Variants in OR9I1 observed in about 807,000 individuals in gnomAD.
OR9I1 encodes the protein olfactory receptor 9I1.
OR9I1 carries 7 observed loss-of-function variants against 11.2 expected under a neutral mutation model. The observed-to-expected ratio is 0.62, with a 90% CI of 0.36 to 1.17. The LOEUF is 1.17. Among genes scored for constraint, OR9I1 ranks in the 50% most tolerant of loss-of-function variants. The probability of loss-of-function intolerance (pLI) is 0.02; values close to 1 mark genes in which losing one functional copy is unlikely to be tolerated. For missense variants in OR9I1, 428 were observed against 377.2 expected, an observed-to-expected ratio of 1.13 and a Z score of -1.12; for synonymous variants, 165 against 153.4, an observed-to-expected ratio of 1.08 and a Z score of -0.56.
At chr11:58,121,643 C>A (rs1321362931) in intron 2 of OR9I1, among the ~76,000 whole-genome samples, 37 of 152,198 alleles carry the variant, frequency 2.4e-4, no homozygotes, top group Non-Finnish European at 2.9e-5. Context: ...AGGTTGGAAT[C>A]TGCCAATTCA....
In OR9I1 at chr11:58,118,300, G is replaced by A; in HGVS notation, c.*200C>T. On this transcript the variant is annotated 3_prime_UTR_variant, in exon 3 of 3. Transcript: ENST00000641439. ...AGTGCTAAGGAATGGATTGAAAGTG[G>A]AAGAAGGGGATAAGAAGAAAGAACA... 1.9e-6 allele frequency: 1 copy of A among 517,604 alleles called. No individual in the cohort carries two copies. Among genetic ancestry groups the A allele is most frequent in the Non-Finnish European group, 3.4e-6 (1 of 293,450 alleles). 32.1% of individuals were successfully genotyped at this position (517,604 alleles called of 1,614,324 possible).
rs1565080328 is a variant in OR9I1, at chr11:58,116,966, G to A, written c.*1534C>T. The A allele has an allele frequency of 6.6e-6, 1 of 152,084 alleles. No homozygotes were observed. Among genetic ancestry groups the A allele is most frequent in the Non-Finnish European group, 1.5e-5 (1 of 67,998 alleles). The allele number at this position is 152,084 out of a possible 1,614,324, so 9.4% of individuals were successfully genotyped here. On this transcript the variant is annotated 3_prime_UTR_variant, in exon 3 of 3. Transcript: ENST00000641439. ...AGATACATGCACTCCACCTTTCCAGGTAAGTACTCGTTTGTTTTATTCCTT... is the reference window on the plus strand; with the variant it reads ...AGATACATGCACTCCACCTTTCCAGATAAGTACTCGTTTGTTTTATTCCTT...
chr11:58,119,432 T>C lies in OR9I1; in HGVS notation c.13A>G (p.Asn5Asp). The C allele has an allele frequency of 6.2e-7, 1 of 1,605,092 alleles. No individual in the cohort carries two copies. The highest frequency in any genetic ancestry group is 8.5e-7 in the Non-Finnish European group (1 of 1,174,300). ...ATGAATTCGGTTACTCTGGTGAGAT[T>C]ATTCTTGGCCATGGAGACAATGTGG... MAKNNLTRVTEFILM... is the reference protein window; with the variant it reads MAKNDLTRVTEFILM... The change falls in exon 3 of 3, where the codon AAT (asparagine) becomes GAT (aspartate). Residue 5 changes from asparagine (N) to aspartate (D), a missense_variant. By Grantham distance (23) the Asn-to-Asp change is conservative. Coordinates refer to ENST00000641439, the MANE Select transcript of OR9I1 (RefSeq NM_001005211.2).
rs1853979022 is a variant in OR9I1 at position 58,118,296 on chromosome 11, A to T, written c.*204T>A. 3.9e-6 allele frequency: 2 copies of T among 510,058 alleles called. No homozygotes were observed. The highest frequency in any genetic ancestry group is 3.8e-5 in the African/African-American group (2 of 52,332). 31.6% of individuals were successfully genotyped at this position (510,058 alleles called of 1,614,324 possible). A position where few individuals can be genotyped will look rare whatever the true frequency, so the allele number is the denominator to read the frequency against. ...GCCCAGTGCTAAGGAATGGATTGAAAGTGGAAGAAGGGGATAAGAAGAAAG... is the reference window on the plus strand; with the variant it reads ...GCCCAGTGCTAAGGAATGGATTGAATGTGGAAGAAGGGGATAAGAAGAAAG... On this transcript the variant is annotated 3_prime_UTR_variant, in exon 3 of 3. Transcript: ENST00000641439.
intron 2 of OR9I1, among the ~76,000 whole-genome samples, chr11:58,123,080 C>G (rs1436501628): frequency 6.6e-6 from 1 of 151,908 alleles, no homozygotes; most frequent in East Asian, 1.9e-4. Flanking sequence ...GAAAGCAGCC[C>G]TTTAAGCAGA....
chr11:58,122,319 AG>A (rs1452780420), intron 2 of OR9I1, among the ~76,000 whole-genome samples: 1 of 152,184 alleles, frequency 6.6e-6, no homozygotes, highest in Non-Finnish European at 1.5e-5. Context: ...TCTGGGGACG[AG>A]TCAGCTTCTT....
chr11:58,118,257 A>G lies in OR9I1; in HGVS notation c.*243T>C, dbSNP rs1030796810. 1.1e-5 allele frequency: 4 copies of G among 358,686 alleles called. No individual in the cohort carries two copies. The highest frequency in any genetic ancestry group is 8.7e-5 in the East Asian group (2 of 23,076). The allele number at this position is 358,686 out of a possible 1,614,324, so 22.2% of individuals were successfully genotyped here. A position where few individuals can be genotyped will look rare whatever the true frequency, so the allele number is the denominator to read the frequency against. ...GATTCTATAAGTTGTGACATTAGAG[A>G]ATATTAAGAGACTGCCCAGTGCTAA... On this transcript the variant is annotated 3_prime_UTR_variant, in exon 3 of 3. Transcript: ENST00000641439.
In OR9I1 at chr11:58,124,164, T is replaced by C. The variant is rs143070019; in HGVS notation, c.-23+274A>G. ...ATCTTGTTTAAGAAGGAGATTGGGG[T>C]ACCATCAGCTTGGGTGAGGCCAAGA... On this transcript the variant is annotated intron_variant, in intron 2 of 2. Transcript: ENST00000641439. Among the ~76,000 whole-genome samples the C allele has an allele frequency of 8.5e-4, 130 of 152,164 alleles. 1 individual carries two copies. Among genetic ancestry groups the C allele is most frequent in the African/African-American group, 3.0e-3 (123 of 41,514 alleles).
chr11:58,119,228 A>G lies in OR9I1; in HGVS notation c.217T>C (p.Tyr73His). ...ATCTGAGGGGTGATGACTGAGGTGT[A>G]ACAGGCATCCAGCAGGGAGAGGTGG... ...LSHLSLLDACYTSVITPQILA... is the reference protein window; with the variant it reads ...LSHLSLLDACHTSVITPQILA... Residue 73 changes from tyrosine (Y) to histidine (H), a missense_variant, in exon 3 of 3, where the codon TAC becomes CAC. Physicochemically the swap from Tyr to His is moderately conservative, Grantham distance 83. Coordinates refer to ENST00000641439, the MANE Select transcript of OR9I1 (RefSeq NM_001005211.2). The G allele has an allele frequency of 6.2e-7, 1 of 1,613,836 alleles. No homozygotes were observed. The highest frequency in any genetic ancestry group is 1.7e-4 in the Middle Eastern group (1 of 6,058).
intron 2 of OR9I1, among the ~76,000 whole-genome samples, chr11:58,121,159 T>C (rs1590602411): frequency 7.0e-6 from 1 of 142,000 alleles, no homozygotes; most frequent in East Asian, 3.0e-4. Context: ...GTCAAATAAA[T>C]GCTCCTTTCT....
At chr11:58,125,015 C>T (rs1263763986) in intron 1 of OR9I1, among the ~76,000 whole-genome samples, 1 of 152,158 alleles carries the variant, frequency 6.6e-6, no homozygotes, top group Non-Finnish European at 1.5e-5. Context: ...AGCCTGGAGT[C>T]TAATCCAGGT....
chr11:58,117,468 T>A lies in OR9I1; in HGVS notation c.*1032A>T, dbSNP rs576140953. 2.6e-5 allele frequency: 4 copies of A among 152,310 alleles called. No homozygotes were observed. In the South Asian group the frequency reaches 8.3e-4, roughly 32 times the overall value. 9.4% of individuals were successfully genotyped at this position (152,310 alleles called of 1,614,324 possible). Reference sequence around the variant, plus strand: ...ATTTGCCATAGAGTTGCCAGAAGGCTCAAATAGGAACAAGCATGTACCATA... The same window carrying A: ...ATTTGCCATAGAGTTGCCAGAAGGCACAAATAGGAACAAGCATGTACCATA... On this transcript the variant is annotated 3_prime_UTR_variant, in exon 3 of 3. Coordinates refer to ENST00000641439, the MANE Select transcript of OR9I1 (RefSeq NM_001005211.2).
Position 58,118,956 on chromosome 11 carries a change from G to A in OR9I1, c.489C>T (p.Thr163=). 1 of 1,613,928 alleles carries A rather than the reference G, an allele frequency of 6.2e-7. No homozygotes were observed. Among genetic ancestry groups the A allele is most frequent in the Non-Finnish European group, 8.5e-7 (1 of 1,179,978 alleles). ...TGTCCTTACAGAAGGAGAGGGTGAA[G>A]GTGCAAGTGGTACGCAGGATGGCTC... is the stretch of plus-strand genomic sequence containing the variant. ...VSGAILRTTC[T]FTLSFCKDNQ... is the part of the protein sequence containing the mutation. The change falls in exon 3 of 3, where the codon ACC becomes ACT. Residue 163 remains threonine (T), a synonymous_variant. Transcript: ENST00000641439.
At position 58,120,747 on chromosome 11, in the gene OR9I1, G is replaced by A. The variant is rs747659674; in HGVS notation, c.-22-1281C>T. On this transcript the variant is annotated intron_variant, in intron 2 of 2. Coordinates refer to ENST00000641439, the MANE Select transcript of OR9I1 (RefSeq NM_001005211.2). ...GAAACATAATCCATTTAACCCGCAT[G>A]AACTTTGTTAATATTGCTATCTTTG... 1.3e-4 allele frequency among the ~76,000 whole-genome samples: 20 copies of A among 148,702 alleles called. 1 individual carries two copies. Among genetic ancestry groups the A allele is most frequent in the Non-Finnish European group, 1.5e-4 (10 of 67,464 alleles).
Position 58,117,817 on chromosome 11 carries a change from A to G in OR9I1, c.*683T>C, listed in dbSNP as rs1427536137. 1.3e-5 allele frequency: 2 copies of G among 152,164 alleles called. No homozygotes were observed. Among genetic ancestry groups the G allele is most frequent in the African/African-American group, 4.8e-5 (2 of 41,436 alleles). 9.4% of individuals were successfully genotyped at this position (152,164 alleles called of 1,614,324 possible). On this transcript the variant is annotated 3_prime_UTR_variant, in exon 3 of 3. Transcript: ENST00000641439. Reference sequence around the variant, plus strand: ...TAGGATGGTTCATTTCATCTTGAAGATACCAAAGTAACATTAAAAAAAGGA... The same window carrying G: ...TAGGATGGTTCATTTCATCTTGAAGGTACCAAAGTAACATTAAAAAAAGGA...
intron 2 of OR9I1, among the ~76,000 whole-genome samples, chr11:58,121,751 T>C (rs943019332): frequency 3.3e-5 from 5 of 152,242 alleles, no homozygotes; most frequent in Non-Finnish European, 5.9e-5. Flanking sequence ...GGAATTTTCT[T>C]TGCTGTGGCA....
chr11:58,123,978 T>A (rs1036647955), intron 2 of OR9I1, among the ~76,000 whole-genome samples: 2 of 152,196 alleles, frequency 1.3e-5, no homozygotes, highest in African/African-American at 4.8e-5. Context: ...GGAACCTCAA[T>A]TTTTTCAATA....
rs1853971963 is a variant in OR9I1, at chr11:58,117,761, A to G, written c.*739T>C. The G allele has an allele frequency of 6.6e-6, 1 of 152,172 alleles. No individual in the cohort carries two copies. Among genetic ancestry groups the G allele is most frequent in the African/African-American group, 2.4e-5 (1 of 41,436 alleles). 9.4% of individuals were successfully genotyped at this position (152,172 alleles called of 1,614,324 possible). On this transcript the variant is annotated 3_prime_UTR_variant, in exon 3 of 3. Coordinates refer to ENST00000641439, the MANE Select transcript of OR9I1 (RefSeq NM_001005211.2). ...AAGCAATGTACCATGGCCTTCAGAA[A>G]TGAGAGAGCTTGAGGAGACATTCCC...
chr11:58,118,627 A>G lies in OR9I1; in HGVS notation c.818T>C (p.Val273Ala), dbSNP rs758213881. ...GSGKSLEEDK[V>A]VSVFYTVVIP... is the part of the protein sequence containing the mutation. ...GACCACTGTATAGAAGACAGACACG[A>G]CTTTGTCTTCCTCCAGAGATTTGCC... The change falls in exon 3 of 3, where the codon GTC becomes GCC. Residue 273 changes from valine (V) to alanine (A), a missense_variant. Val to Ala is a moderately conservative substitution (Grantham distance 64). Coordinates refer to ENST00000641439, the MANE Select transcript of OR9I1 (RefSeq NM_001005211.2). 5 of 1,613,734 alleles carry G rather than the reference A, an allele frequency of 3.1e-6. No individual in the cohort carries two copies. In the East Asian group the frequency reaches 8.9e-5, roughly 29 times the overall value.
Sources: allele counts gnomAD v4.1 joint callset (sites outside exome capture counted in the v4.1 genomes callset), GRCh38; gene constraint gnomAD v4.1.1; transcripts MANE v1.5; gene names NCBI Gene and HGNC (gene_info 2026-07-23, HGNC 2026-07-21).